LIN54: variants seen among roughly 807,000 people sequenced by gnomAD.
The protein encoded by LIN54 is protein lin-54 homolog.
Under a neutral mutation model 78.7 loss-of-function variants are expected in LIN54, and 9 were observed. The observed-to-expected ratio is 0.11, with a 90% confidence interval of 0.07 to 0.20. The LOEUF (loss-of-function observed/expected upper bound fraction) is 0.20, where lower values mean the gene tolerates loss of function less well. Among genes scored for constraint, LIN54 ranks in the 10% least tolerant of loss-of-function variants. LIN54 has a pLI of 1.00. For missense variants in LIN54, 573 were observed against 889.9 expected, an observed-to-expected ratio of 0.64 and a Z score of 4.53; for synonymous variants, 269 against 318.4, an observed-to-expected ratio of 0.84 and a Z score of 1.65.
At chr4:82,986,658 C>T (rs564030478) in intron 1 of LIN54, among the ~76,000 whole-genome samples, 7 of 136,610 alleles carry the variant, frequency 5.1e-5, no homozygotes, top group Non-Finnish European at 1.1e-4. Context: ...GAGCCGAGAT[C>T]GTGCCACTGC....
chr4:82,993,931 T>A (rs1304548240), intron 1 of LIN54, among the ~76,000 whole-genome samples: 1 of 152,110 alleles, frequency 6.6e-6, no homozygotes, highest in Non-Finnish European at 1.5e-5. Flanking sequence ...TTTACATTTT[T>A]AAATGGTTGG....
At position 82,950,559 on chromosome 4, in the gene LIN54, G is replaced by A. The variant is rs139517134; in HGVS notation, c.952-4085C>T. 2.5e-4 allele frequency among the ~76,000 whole-genome samples: 38 copies of A among 152,270 alleles called. No individual in the cohort carries two copies. The South Asian group carries it at 4.3e-3, about 17-fold the overall frequency. On this transcript the variant is annotated intron_variant, in intron 4 of 12. Transcript: ENST00000340417. ...ACACCCATTACATAAAACAGTTCAC[G>A]TGCATTCAGTAAAAATCTTCATTTG...
chr4:83,012,663 G>GC (rs1169924522), upstream of LIN54: 4 of 152,122 alleles, frequency 2.6e-5, no homozygotes, highest in East Asian at 3.9e-4. Context: ...CCCCGCCAAG[G>GC]CCCACCGGCC....
At chr4:82,986,210 G>A (rs1303082278) in intron 1 of LIN54, among the ~76,000 whole-genome samples, 1 of 151,816 alleles carries the variant, frequency 6.6e-6, no homozygotes, top group Admixed American at 6.6e-5. Context: ...CCACCTCCCA[G>A]GTTCAAGCGA....
At chr4:82,940,377 T>C (rs1183046053) in intron 5 of LIN54, among the ~76,000 whole-genome samples, 1 of 152,178 alleles carries the variant, frequency 6.6e-6, no homozygotes, top group Non-Finnish European at 1.5e-5. Flanking sequence ...AACCAGAGAA[T>C]ATATCATTCT....
chr4:82,962,052 T>C (rs1457828), intron 4 of LIN54, among the ~76,000 whole-genome samples: 151,832 of 152,308 alleles, frequency 1, 75,679 homozygotes, highest in Non-Finnish European at 1. Flanking sequence ...ACCATAAGAC[T>C]TTTACGAATG....
intron 2 of LIN54, among the ~76,000 whole-genome samples, chr4:82,980,356 A>C (rs1726530624): frequency 6.6e-6 from 1 of 152,162 alleles, no homozygotes; most frequent in African/African-American, 2.4e-5. Context: ...TTATTATAGG[A>C]AATAGTGACT....
intron 1 of LIN54, among the ~76,000 whole-genome samples, chr4:82,989,129 A>G (rs1727443316): frequency 6.6e-6 from 1 of 152,012 alleles, no homozygotes; most frequent in Non-Finnish European, 1.5e-5. Context: ...CGGAGCTTGC[A>G]GTGAGCCAAG....
At chr4:82,941,629 G>C (rs1722904650) in intron 5 of LIN54, among the ~76,000 whole-genome samples, 1 of 152,130 alleles carries the variant, frequency 6.6e-6, no homozygotes, top group South Asian at 2.1e-4. Context: ...AAAAAAATGA[G>C]GGTCTGATCT....
At chr4:82,930,488 CT>C (rs2126026723) in intron 12 of LIN54, among the ~76,000 whole-genome samples, 1 of 152,148 alleles carries the variant, frequency 6.6e-6, no homozygotes, top group East Asian at 1.9e-4. Context: ...AGAGGTCAGG[CT>C]TTTCTACTCC....
intron 11 of LIN54, among the ~76,000 whole-genome samples, chr4:82,933,055 A>G (rs2126029885): frequency 6.6e-6 from 1 of 152,054 alleles, no homozygotes; most frequent in East Asian, 1.9e-4. Flanking sequence ...CTCCTTTCTT[A>G]TAAGACACCA....
In LIN54 at chr4:82,943,861, ATTTTTTTTTTTTT is replaced by A. The variant is rs35020887; in HGVS notation, c.1168+2384_1168+2396del. On this transcript the variant is annotated intron_variant, in intron 5 of 12. Coordinates refer to ENST00000340417, the MANE Select transcript of LIN54 (RefSeq NM_194282.4). The stretch of plus-strand genomic sequence containing the variant: ...GAAAAGAAGGCACCAGTCAATACTG[ATTTTTTTTTTTTT>A]TTTTTTTTTTTTGAGACAGAGTCTC... Among the ~76,000 whole-genome samples, 3 of 128,396 alleles carry A rather than the reference ATTTTTTTTTTTTT, an allele frequency of 2.3e-5. No individual in the cohort carries two copies. The East Asian group carries it at 7.1e-4, about 30-fold the overall frequency. 84.2% of individuals were successfully genotyped at this position (128,396 alleles called of 152,430 possible). A position where few individuals can be genotyped will look rare whatever the true frequency, so the allele number is the denominator to read the frequency against.
intron 1 of LIN54, 141 bp from the exon 2 acceptor site, chr4:82,985,017 G>C (rs1726998022): frequency 3.2e-6 from 2 of 616,308 alleles, no homozygotes; most frequent in South Asian, 4.2e-5. Context: ...AGCTTATCTG[G>C]GTTAAATCAT....
chr4:82,928,118 C>G lies in LIN54; in HGVS notation c.2234G>C (p.Cys745Ser), dbSNP rs1226810283. ...NSAGKAKSDP[C>S]AMNC ...GTGCAAGAGTTAGCAATTCATGGCA[C>G]AAGGGTCACTTTTTGCCTTTCCTGC... Residue 745 changes from cysteine to serine, a missense_variant, in exon 13 of 13, where the codon TGT becomes TCT. By Grantham distance (112) the Cys-to-Ser change is moderately radical (BLOSUM62 -1). This residue lies in a region of LIN54 where 82 missense variants were observed against 140.8 expected (regional missense o/e 0.58). Transcript: ENST00000340417. The G allele has an allele frequency of 6.2e-7, 1 of 1,614,186 alleles. No individual in the cohort carries two copies. The highest frequency in any genetic ancestry group is 1.1e-5 in the South Asian group (1 of 91,088).
At chr4:82,931,193 TTACTA>T (rs777767158) in intron 11 of LIN54, 48 bp from the exon 12 acceptor site, 3 of 1,351,564 alleles carry the variant, frequency 2.2e-6, no homozygotes, top group Non-Finnish European at 3.2e-6. Context: ...CCAAAATACA[TTACTA>T]TAAGTAGATG....
chr4:82,988,119 C>A (rs1727331529), intron 1 of LIN54, among the ~76,000 whole-genome samples: 1 of 152,152 alleles, frequency 6.6e-6, no homozygotes, highest in Non-Finnish European at 1.5e-5. Flanking sequence ...ATTTACATTT[C>A]TCTGATGATC....
At chr4:82,999,772 T>A (rs1728578864) in intron 1 of LIN54, among the ~76,000 whole-genome samples, 2 of 67,926 alleles carry the variant, frequency 2.9e-5, no homozygotes, top group African/African-American at 6.0e-5. Context: ...GGCGAGACTC[T>A]GTCTCAAAAA....
chr4:82,983,065 T>C (rs568829307), intron 2 of LIN54, among the ~76,000 whole-genome samples: 2 of 149,838 alleles, frequency 1.3e-5, no homozygotes, highest in South Asian at 4.2e-4. Flanking sequence ...TGGAGTGCAA[T>C]GGCGCGATCT....
At chr4:82,970,296 T>C in intron 4 of LIN54, 31 bp downstream of exon 4, 2 of 1,592,984 alleles carry the variant, frequency 1.3e-6, no homozygotes, top group Non-Finnish European at 8.6e-7. Context: ...AACCACAATA[T>C]TTGGTATTTG....
Sources: allele counts gnomAD v4.1 joint callset (sites outside exome capture counted in the v4.1 genomes callset), GRCh38; gene constraint gnomAD v4.1.1; regional missense constraint gnomAD v4.1.1; transcripts MANE v1.5; gene names NCBI Gene and HGNC (gene_info 2026-07-23, HGNC 2026-07-21).